Variants in CYP4A11 observed in about 807,000 individuals in gnomAD.
The protein encoded by CYP4A11 is cytochrome P450 family 4 subfamily A member 11.
In CYP4A11, 52 loss-of-function variants were observed where a neutral mutation model predicts 57.7. The ratio of observed to expected loss-of-function variants is 0.90; its 90% CI spans 0.72 to 1.14. The LOEUF is 1.14. Ranked by LOEUF, CYP4A11 falls within the 50% of genes most tolerant of loss-of-function variation. The pLI is 0.00. For synonymous variants in CYP4A11, 228 were observed against 247.1 expected, an observed-to-expected ratio of 0.92 and a Z score of 0.72; for missense variants, 641 against 642.1, an observed-to-expected ratio of 1.00 and a Z score of 0.02.
At chr1:46,937,870 T>C in intron 2 of CYP4A11, 126 bp downstream of exon 2, 1 of 1,411,586 alleles carries the variant, frequency 7.1e-7, no homozygotes, top group South Asian at 1.4e-5. Context: ...GTGGGCTTGG[T>C]GGATGCGTGG....
chr1:46,938,834 C>T (rs1681579934), intron 1 of CYP4A11, among the ~76,000 whole-genome samples: 1 of 152,234 alleles, frequency 6.6e-6, no homozygotes, highest in African/African-American at 2.4e-5. Context: ...CGATGTGGAT[C>T]ACAAAGCCCT....
rs754082184 is a variant in CYP4A11 at position 46,938,037 on chromosome 1, A to G, written c.296T>C (p.Leu99Pro). The change falls in exon 2 of 12, where the codon CTC becomes CCC. Residue 99 changes from leucine to proline, a missense_variant. Coordinates refer to ENST00000310638, the MANE Select transcript of CYP4A11 (RefSeq NM_000778.4). ...WLWGGKVRVQ[L>P]YDPDYMKVIL... ...CACCTTCATATAGTCAGGGTCATAG[A>G]GCTGGACACGAACTTTGCCTCCCCA... 3 of 1,614,176 alleles carry G rather than the reference A, an allele frequency of 1.9e-6. No individual in the cohort carries two copies. Among genetic ancestry groups the G allele is most frequent in the African/African-American group, 1.3e-5 (1 of 75,040 alleles).
At position 46,935,547 on chromosome 1, in the gene CYP4A11, T is replaced by C. The variant is rs1681332842; in HGVS notation, c.611A>G (p.His204Arg). The C allele has an allele frequency of 4.3e-6, 7 of 1,613,964 alleles. No individual in the cohort carries two copies. Among genetic ancestry groups the C allele is most frequent in the Non-Finnish European group, 5.9e-6 (7 of 1,179,846 alleles). The stretch of plus-strand genomic sequence containing the variant: ...CCTGTCCACCTGGATGCTGCCCTGA[T>C]GGCTGAAGGCACACTTCATGATGGT... ...LDTIMKCAFS[H>R]QGSIQVDRNS... The change falls in exon 5 of 12, where the codon CAT becomes CGT. Residue 204 changes from histidine (H) to arginine (R), a missense_variant. His to Arg is a conservative substitution (Grantham distance 29). Transcript: ENST00000310638.
Position 46,932,995 on chromosome 1 carries a change from C to T in CYP4A11, c.1275G>A (p.Trp425Ter), listed in dbSNP as rs764460830. The T allele has an allele frequency of 6.2e-6, 10 of 1,614,042 alleles. No homozygotes were observed. The highest frequency in any genetic ancestry group is 1.7e-6 in the Non-Finnish European group (2 of 1,180,038). ...IYGLHHNPKV[W>*]PNPEVFDPFR... ...AAGGACCACATACCTCTGGGTTGGG[C>T]CACACTTTTGGGTTGTGGTGAAGGC... The change falls in exon 10 of 12, where the codon TGG (tryptophan) becomes TGA (stop). Residue 425 changes from tryptophan to a stop codon, truncating the protein, a stop_gained. Transcript: ENST00000310638. LOFTEE classifies it high-confidence loss of function.
rs772737025 is a variant in CYP4A11, at chr1:46,930,079, CG to C, written c.*35del. 2 of 1,577,036 alleles carry C rather than the reference CG, an allele frequency of 1.3e-6. No homozygotes were observed. Among genetic ancestry groups the C allele is most frequent in the Non-Finnish European group, 1.7e-6 (2 of 1,158,882 alleles). On this transcript the variant is annotated 3_prime_UTR_variant, in exon 12 of 12. Transcript: ENST00000310638. ...TGGGCAGACAGGAAGGGGACAGAAG[CG>C]GGGGTCAGGAAGACAGGACGGCAGG...
intron 9 of CYP4A11, among the ~76,000 whole-genome samples, chr1:46,933,476 C>T (rs765835292): frequency 6.6e-6 from 1 of 152,198 alleles, no homozygotes; most frequent in Non-Finnish European, 1.5e-5. Flanking sequence ...TAGGTTATGG[C>T]AGGACTGGGA....
At chr1:46,935,373 T>C in intron 5 of CYP4A11, 150 bp downstream of exon 5, 2 of 1,481,796 alleles carry the variant, frequency 1.3e-6, no homozygotes, top group East Asian at 2.3e-5. Context: ...CCTGAGACTT[T>C]GTTTGGTCTG....
intron 11 of CYP4A11, chr1:46,932,114 T>C (rs1157266889): frequency 1.0e-6 from 1 of 978,294 alleles, no homozygotes. Context: ...AACGGGAAAA[T>C]AGATGTAAAT....
intron 11 of CYP4A11, chr1:46,931,824 C>T (rs532752385): frequency 3.5e-5 from 29 of 824,252 alleles, no homozygotes; most frequent in Middle Eastern, 1.2e-3. Flanking sequence ...GAATTTATAT[C>T]GTTTTTGCCT....
chr1:46,941,165 A>G (rs1005075622), intron 1 of CYP4A11, 74 bp downstream of exon 1: 3 of 1,548,656 alleles, frequency 1.9e-6, no homozygotes, highest in African/African-American at 1.4e-5. Context: ...GCTTTGCTCT[A>G]TGGATTTTGT....
chr1:46,932,642 C>G (rs1681092632), intron 11 of CYP4A11, 119 bp downstream of exon 11: 7 of 1,588,646 alleles, frequency 4.4e-6, no homozygotes, highest in Non-Finnish European at 6.0e-6. Flanking sequence ...CCCACAAATA[C>G]CAACATTTAA....
At chr1:46,940,045 C>T (rs1010699527) in intron 1 of CYP4A11, among the ~76,000 whole-genome samples, 8 of 152,042 alleles carry the variant, frequency 5.3e-5, no homozygotes, top group Admixed American at 3.9e-4. Context: ...AGTCCCTCTC[C>T]ATGCAGCCGT....
chr1:46,940,272 T>C lies in CYP4A11; in HGVS notation c.195+967A>G, dbSNP rs561579490. 3.9e-4 allele frequency among the ~76,000 whole-genome samples: 60 copies of C among 152,354 alleles called. 2 individuals are homozygous for C. Among genetic ancestry groups the C allele is most frequent in the South Asian group, 2.5e-3 (12 of 4,832 alleles). On this transcript the variant is annotated intron_variant, in intron 1 of 11. Transcript: ENST00000310638. Reference sequence around the variant, plus strand: ...AAAATACACTAACACTAATGATAGCTGATGAACTCAAAAAAATTGCAAAAT... The same window carrying C: ...AAAATACACTAACACTAATGATAGCCGATGAACTCAAAAAAATTGCAAAAT...
chr1:46,935,673 T>A lies in CYP4A11; in HGVS notation c.511-26A>T, dbSNP rs1404657392. 6.9e-6 allele frequency: 11 copies of A among 1,597,022 alleles called. No homozygotes were observed. The Admixed American group carries it at 1.9e-4, about 28-fold the overall frequency. On this transcript the variant is annotated intron_variant, in intron 4 of 11. Coordinates refer to ENST00000310638, the MANE Select transcript of CYP4A11 (RefSeq NM_000778.4). ...CTGTGGTGGGAGGGGGCATGGACCT[T>A]CTTAATCTCCAAGAAGTGCTTTGCT... is the stretch of plus-strand genomic sequence containing the variant.
At position 46,936,809 on chromosome 1, in the gene CYP4A11, GTGTGTT is replaced by G. The variant is rs748716633; in HGVS notation, c.383-24_383-19del. The G allele has an allele frequency of 2.0e-6, 3 of 1,497,016 alleles. No individual in the cohort carries two copies. The highest frequency in any genetic ancestry group is 2.4e-5 in the East Asian group (1 of 41,698). The allele number at this position is 1,497,016 out of a possible 1,614,324, so 92.7% of individuals were successfully genotyped here. On this transcript the variant is annotated intron_variant, in intron 3 of 11. Transcript: ENST00000310638. ...GCCGTACCCTAAGAGAGACATGAATGTGTGTTTGTGTGTGTGTGTGTGTGTGTGTGT... is the reference window on the plus strand; with the variant it reads ...GCCGTACCCTAAGAGAGACATGAATGTGTGTGTGTGTGTGTGTGTGTGTGT...
intron 11 of CYP4A11, among the ~76,000 whole-genome samples, chr1:46,931,097 T>C (rs1242003871): frequency 2.6e-5 from 4 of 152,202 alleles, no homozygotes; most frequent in Admixed American, 6.5e-5. Context: ...AGCTGGCAGA[T>C]AAGCCCTCCA....
At chr1:46,939,045 C>T (rs1199328945) in intron 1 of CYP4A11, among the ~76,000 whole-genome samples, 2 of 152,232 alleles carry the variant, frequency 1.3e-5, no homozygotes, top group Non-Finnish European at 2.9e-5. Context: ...AGAGCAGCCA[C>T]CTCTCCTCAG....
chr1:46,934,614 A>T, intron 6 of CYP4A11, 55 bp from the exon 7 acceptor site: 8 of 1,536,980 alleles, frequency 5.2e-6, no homozygotes, highest in Non-Finnish European at 7.1e-6. Context: ...AGCCCCCAGG[A>T]GGCCTAGCTG....
chr1:46,933,633 A>G (rs1465252382), intron 9 of CYP4A11, among the ~76,000 whole-genome samples: 2 of 152,172 alleles, frequency 1.3e-5, no homozygotes, highest in Non-Finnish European at 2.9e-5. Flanking sequence ...TGACCCCATG[A>G]GGAAAGAAAC....
Sources: gnomAD v4.1 joint callset for allele counts (sites outside exome capture counted in the v4.1 genomes callset) on GRCh38, gnomAD v4.1.1 for gene constraint, MANE v1.5 for transcripts, NCBI Gene and HGNC (gene_info 2026-07-23, HGNC 2026-07-21) for gene names.